Variants in TMPO observed in about 807,000 individuals in gnomAD.
The protein encoded by TMPO is LEM domain containing 4.
TMPO carries 22 observed loss-of-function variants against 45.4 expected under a neutral mutation model. The ratio of observed to expected loss-of-function variants is 0.48; its 90% CI spans 0.35 to 0.69. TMPO has a LOEUF of 0.69. TMPO is among the 30% of genes least tolerant of loss of function. The probability of loss-of-function intolerance (pLI) is 0.01; values close to 1 mark genes in which losing one functional copy is unlikely to be tolerated. For missense variants in TMPO, 512 were observed against 548.8 expected, an observed-to-expected ratio of 0.93 and a Z score of 0.67; for synonymous variants, 241 against 204.1, an observed-to-expected ratio of 1.18 and a Z score of -1.54.
intron 3 of TMPO, among the ~76,000 whole-genome samples, chr12:98,536,429 C>A (rs1375850746): frequency 1.3e-5 from 2 of 152,048 alleles, no homozygotes; most frequent in African/African-American, 2.4e-5. Context: ...TCTCAGCTCG[C>A]TGCAACCTCC....
chr12:98,531,561 G>T, intron 2 of TMPO, 119 bp from the exon 3 acceptor site: 8 of 1,063,154 alleles, frequency 7.5e-6, no homozygotes, highest in Non-Finnish European at 1.1e-5. Context: ...TTTTTTTTAA[G>T]AACTTGAGTT....
rs1011862976 is a variant in TMPO, at chr12:98,548,853, G to T, written c.*995G>T. On this transcript the variant is annotated 3_prime_UTR_variant, in exon 9 of 9. Coordinates refer to ENST00000556029, the MANE Select transcript of TMPO (RefSeq NM_001032283.3). Reference sequence around the variant, plus strand: ...AGTACAAAAAGGGCCAGGCGCGGTGGCTTACGCCTGTAATCCCAGCACTTT... The same window carrying T: ...AGTACAAAAAGGGCCAGGCGCGGTGTCTTACGCCTGTAATCCCAGCACTTT... 6.6e-6 allele frequency: 1 copy of T among 152,234 alleles called. No homozygotes were observed. Among genetic ancestry groups the T allele is most frequent in the South Asian group, 2.1e-4 (1 of 4,834 alleles). The allele number at this position is 152,234 out of a possible 1,614,324, so 9.4% of individuals were successfully genotyped here.
chr12:98,521,711 T>C (rs1266361370), intron 1 of TMPO, among the ~76,000 whole-genome samples: 1 of 152,142 alleles, frequency 6.6e-6, no homozygotes, highest in African/African-American at 2.4e-5. Flanking sequence ...ATAATATTCT[T>C]GAATGATCTG....
At chr12:98,527,351 C>A (rs77354177) in intron 1 of TMPO, among the ~76,000 whole-genome samples, 524 of 100,294 alleles carry the variant, frequency 5.2e-3, no homozygotes, top group Middle Eastern at 0.028. Flanking sequence ...AAAAAAAAAA[C>A]AAAAAAAAAA....
chr12:98,531,944 A>G, intron 3 of TMPO, 106 bp downstream of exon 3: 3 of 894,060 alleles, frequency 3.4e-6, no homozygotes, highest in South Asian at 1.7e-5. Flanking sequence ...AAGATACACA[A>G]ATTTTATTCG....
intron 1 of TMPO, among the ~76,000 whole-genome samples, chr12:98,524,701 C>T (rs1399049982): frequency 6.6e-6 from 1 of 152,216 alleles, no homozygotes; most frequent in Admixed American, 6.5e-5. Flanking sequence ...TCAAGCAATT[C>T]TCCTGCCTCA....
At chr12:98,543,158 A>T (rs1878025576) in intron 4 of TMPO, among the ~76,000 whole-genome samples, 2 of 150,240 alleles carry the variant, frequency 1.3e-5, no homozygotes, top group Non-Finnish European at 3.0e-5. Flanking sequence ...ATTAAAGTTT[A>T]AAAAAAAAAT....
rs961328919 is a variant in TMPO at position 98,528,097 on chromosome 12, G to T, written c.406+85G>T. 3.3e-6 allele frequency: 5 copies of T among 1,522,602 alleles called. No individual in the cohort carries two copies. The African/African-American group carries it at 4.1e-5, about 13-fold the overall frequency. The allele number at this position is 1,522,602 out of a possible 1,614,324, so 94.3% of individuals were successfully genotyped here. A position where few individuals can be genotyped will look rare whatever the true frequency, so the allele number is the denominator to read the frequency against. On this transcript the variant is annotated intron_variant, in intron 2 of 8. Coordinates refer to ENST00000556029, the MANE Select transcript of TMPO (RefSeq NM_001032283.3). ...TTCTCCTTTTTGTTTAGCAGTTTAG[G>T]TTCCAAGGACTGGTTTGTCATTAAT...
chr12:98,519,699 A>G (rs77995060), intron 1 of TMPO, among the ~76,000 whole-genome samples: 1,679 of 152,342 alleles, frequency 0.011, 25 homozygotes, highest in African/African-American at 0.038. Flanking sequence ...AACTTGAAGA[A>G]AAATATTGGT....
intron 4 of TMPO, 54 bp from the exon 5 acceptor site, chr12:98,544,176 A>G: frequency 1.9e-6 from 3 of 1,603,252 alleles, no homozygotes; most frequent in Non-Finnish European, 2.6e-6. Flanking sequence ...TATGGCCGTT[A>G]TTAAAGTATT....
At chr12:98,525,840 T>G (rs1039775769) in intron 1 of TMPO, among the ~76,000 whole-genome samples, 17 of 152,162 alleles carry the variant, frequency 1.1e-4, no homozygotes, top group Admixed American at 8.5e-4. Flanking sequence ...AAATCATGAC[T>G]GATTTTTCCC....
At chr12:98,519,644 C>T (rs1017460717) in intron 1 of TMPO, among the ~76,000 whole-genome samples, 3 of 152,102 alleles carry the variant, frequency 2.0e-5, no homozygotes, top group African/African-American at 7.2e-5. Context: ...GTATTTAAAA[C>T]TCAAGAGGTG....
chr12:98,528,516 A>G (rs1031943580), intron 2 of TMPO, among the ~76,000 whole-genome samples: 1 of 151,886 alleles, frequency 6.6e-6, no homozygotes, highest in African/African-American at 2.4e-5. Context: ...TGACCTTGTG[A>G]TCCGCCTGCC....
At position 98,549,272 on chromosome 12, in the gene TMPO, T is replaced by A. The variant is rs1433819243; in HGVS notation, c.*1414T>A. ...GGAGTCTCACTCTTGTCACCCAGAC[T>A]GTAGTGCAGTGGCACGATCTGGGCT... is the stretch of plus-strand genomic sequence containing the variant. On this transcript the variant is annotated 3_prime_UTR_variant, in exon 9 of 9. Coordinates refer to ENST00000556029, the MANE Select transcript of TMPO (RefSeq NM_001032283.3). 1.3e-5 allele frequency: 2 copies of A among 152,230 alleles called. No homozygotes were observed. Among genetic ancestry groups the A allele is most frequent in the Non-Finnish European group, 2.9e-5 (2 of 68,056 alleles). The allele number at this position is 152,230 out of a possible 1,614,324, so 9.4% of individuals were successfully genotyped here.
At chr12:98,531,585 G>C in intron 2 of TMPO, 95 bp from the exon 3 acceptor site, 1 of 1,310,124 alleles carries the variant, frequency 7.6e-7, no homozygotes. Context: ...AAAAATAAAG[G>C]GTGAAAATAG....
At chr12:98,517,300 T>C (rs760322569) in intron 1 of TMPO, among the ~76,000 whole-genome samples, 4 of 152,250 alleles carry the variant, frequency 2.6e-5, no homozygotes, top group Non-Finnish European at 5.9e-5. Flanking sequence ...AAGCATGTTT[T>C]GTTTCAGAAT....
chr12:98,546,564 AGGTACAAT>A (rs1878240146), intron 8 of TMPO, 117 bp downstream of exon 8: 3 of 820,998 alleles, frequency 3.7e-6, no homozygotes, highest in Non-Finnish European at 6.3e-6. Context: ...TTTTGGAGCC[AGGTACAAT>A]GGTACATGCC....
At chr12:98,516,433 C>G in intron 1 of TMPO, 1 of 1,162,150 alleles carries the variant, frequency 8.6e-7, no homozygotes, top group Non-Finnish European at 1.1e-6. Flanking sequence ...CTTCCCTGGA[C>G]CACCAGCCGC....
chr12:98,522,093 G>A, intron 1 of TMPO, among the ~76,000 whole-genome samples: 1 of 152,126 alleles, frequency 6.6e-6, no homozygotes, highest in Middle Eastern at 3.4e-3. Flanking sequence ...TAGTGCAGTG[G>A]TATGATCATA....
Sources: gnomAD v4.1 joint callset for allele counts (sites outside exome capture counted in the v4.1 genomes callset) on GRCh38, gnomAD v4.1.1 for gene constraint, MANE v1.5 for transcripts, NCBI Gene and HGNC (gene_info 2026-07-23, HGNC 2026-07-21) for gene names.